The following ENTPD7 variants were observed in gnomAD, a reference collection of about 807,000 sequenced individuals.
ENTPD7 encodes the protein NTPDase 7.
ENTPD7 carries 53 observed loss-of-function variants against 77.9 expected under a neutral mutation model. The observed-to-expected ratio is 0.68, with a 90% CI of 0.55 to 0.85. ENTPD7 has a LOEUF of 0.85. Among genes scored for constraint, ENTPD7 ranks in the 40% least tolerant of loss-of-function variants. ENTPD7 has a pLI of 0.00. For synonymous variants in ENTPD7, 248 were observed against 274.9 expected (o/e 0.90, Z 0.97); for missense variants, 636 against 743.7 (o/e 0.86, Z 1.68).
At chr10:99,660,742 A>G (rs1422206763) in intron 2 of ENTPD7, among the ~76,000 whole-genome samples, 1 of 152,062 alleles carries the variant, frequency 6.6e-6, no homozygotes, top group East Asian at 1.9e-4. Flanking sequence ...CTGGCCAAGT[A>G]GAAACCCGGT....
rs745782151 is a variant in ENTPD7 at position 99,700,864 on chromosome 10, C to G, written c.1336-109C>G. On this transcript the variant is annotated intron_variant, in intron 10 of 12. Coordinates refer to ENST00000370489, the MANE Select transcript of ENTPD7 (RefSeq NM_020354.5). ...ACACACCATTTCTGTTTTCCTTTGT[C>G]AGCTGGTAGCCCACAAGTAACTTTA... is the stretch of plus-strand genomic sequence containing the variant. The G allele has an allele frequency of 3.5e-6, 3 of 853,178 alleles. No homozygotes were observed. In the African/African-American group the frequency reaches 5.1e-5, roughly 14 times the overall value. 52.9% of individuals were successfully genotyped at this position (853,178 alleles called of 1,614,324 possible).
intron 11 of ENTPD7, among the ~76,000 whole-genome samples, chr10:99,701,387 C>T (rs958219987): frequency 6.6e-6 from 1 of 151,466 alleles, no homozygotes; most frequent in African/African-American, 2.4e-5. Flanking sequence ...TCCTGGGTTC[C>T]AGCGATTCTC....
intron 10 of ENTPD7, among the ~76,000 whole-genome samples, chr10:99,700,408 GTGTGTA>G (rs1209290615): frequency 0.14 from 1,034 of 7,618 alleles, 25 homozygotes; most frequent in African/African-American, 0.26. Flanking sequence ...GTGTGTGTGT[GTGTGTA>G]TGTGTGTGTG....
intron 3 of ENTPD7, among the ~76,000 whole-genome samples, chr10:99,664,224 A>G (rs1264095024): frequency 6.6e-6 from 1 of 152,096 alleles, no homozygotes; most frequent in African/African-American, 2.4e-5. Flanking sequence ...AAATAATGGC[A>G]TGTTATGTTC....
At chr10:99,677,320 T>C (rs1002484864) in intron 3 of ENTPD7, among the ~76,000 whole-genome samples, 1 of 151,308 alleles carries the variant, frequency 6.6e-6, no homozygotes, top group Non-Finnish European at 1.5e-5. Flanking sequence ...GATCTAGGAG[T>C]TGGCTTTAAA....
chr10:99,662,695 C>T (rs868393117), intron 3 of ENTPD7, among the ~76,000 whole-genome samples: 2 of 151,952 alleles, frequency 1.3e-5, no homozygotes, highest in East Asian at 1.9e-4. Context: ...GCAAATTGTT[C>T]GTTGGTATTC....
chr10:99,701,086 T>A (rs768144838), intron 11 of ENTPD7, 28 bp downstream of exon 11: 6 of 1,572,290 alleles, frequency 3.8e-6, no homozygotes, highest in Non-Finnish European at 5.3e-6. Context: ...CCTCCTTAGA[T>A]GTGGACTTAA....
chr10:99,694,417 G>A (rs182787637), intron 8 of ENTPD7, among the ~76,000 whole-genome samples: 5 of 151,964 alleles, frequency 3.3e-5, no homozygotes, highest in African/African-American at 1.2e-4. Flanking sequence ...CAACCATGCT[G>A]TATTTTGTTT....
chr10:99,677,052 G>T (rs17112093), intron 3 of ENTPD7, among the ~76,000 whole-genome samples: 1 of 152,080 alleles, frequency 6.6e-6, no homozygotes, highest in Non-Finnish European at 1.5e-5. Context: ...GAATAGTGTG[G>T]TTTTGTCTAA....
At chr10:99,697,266 A>G (rs1403370115) in intron 9 of ENTPD7, 1 of 152,498 alleles carries the variant, frequency 6.6e-6, no homozygotes, top group African/African-American at 2.4e-5. Flanking sequence ...TCCTAAATCT[A>G]TACAAACATT....
chr10:99,688,748 A>G lies in ENTPD7; in HGVS notation c.707A>G (p.Asp236Gly). 6.2e-7 allele frequency: 1 copy of G among 1,613,888 alleles called. No homozygotes were observed. The highest frequency in any genetic ancestry group is 8.5e-7 in the Non-Finnish European group (1 of 1,179,832). Residue 236 changes from aspartate (D) to glycine (G), a missense_variant and splice_region_variant, in exon 7 of 13, where the codon GAT (aspartate) becomes GGT (glycine). Physicochemically the swap from Asp to Gly is moderately conservative, Grantham distance 94. Around this residue, in one of 3 missense-constraint regions of ENTPD7, gnomAD observed 486 missense variants for 556.5 expected, o/e 0.87. Coordinates refer to ENST00000370489, the MANE Select transcript of ENTPD7 (RefSeq NM_020354.5). ...NFVLGRFDHE[D>G]ESDAEATQEL... ...GTTTTGGGAAGATTCGACCACGAGG[A>G]TGGTGAGTAATATTGTCTTTTTATG...
chr10:99,689,922 A>G (rs2035859699), intron 7 of ENTPD7, among the ~76,000 whole-genome samples: 1 of 152,244 alleles, frequency 6.6e-6, no homozygotes, highest in Non-Finnish European at 1.5e-5. Context: ...TATGGGAAAG[A>G]CAGAATAAAT....
chr10:99,683,770 A>G (rs1484239157), intron 5 of ENTPD7, among the ~76,000 whole-genome samples: 1 of 152,168 alleles, frequency 6.6e-6, no homozygotes, highest in Non-Finnish European at 1.5e-5. Flanking sequence ...ACATGTAGAT[A>G]TAAGTAGACT....
At position 99,698,664 on chromosome 10, in the gene ENTPD7, T is replaced by C. The variant is rs2036038839; in HGVS notation, c.1141T>C (p.Ser381Pro). The C allele has an allele frequency of 6.2e-7, 1 of 1,614,038 alleles. No individual in the cohort carries two copies. Among genetic ancestry groups the C allele is most frequent in the Admixed American group, 1.7e-5 (1 of 59,998 alleles). Residue 381 changes from serine to proline, a missense_variant, in exon 10 of 13, where the codon TCT becomes CCT. Physicochemically the swap from Ser to Pro is moderately conservative, Grantham distance 74 (BLOSUM62 -1). Around this residue, in one of 3 missense-constraint regions of ENTPD7, gnomAD observed 486 missense variants for 556.5 expected, o/e 0.87. Transcript: ENST00000370489. Reference sequence around the variant, plus strand: ...TGTCCGAGGAAGAGGAGACTGGGTGTCTTGTGGGGCAATGCTGAGCCCCCT... The same window carrying C: ...TGTCCGAGGAAGAGGAGACTGGGTGCCTTGTGGGGCAATGCTGAGCCCCCT... ...LHVRGRGDWV[S>P]CGAMLSPLLA...
Position 99,708,790 on chromosome 10 carries a change from A to G in ENTPD7, c.*4107A>G, listed in dbSNP as rs1365546585. 1.0e-6 allele frequency: 1 copy of G among 983,032 alleles called. No individual in the cohort carries two copies. Among genetic ancestry groups the G allele is most frequent in the Non-Finnish European group, 1.2e-6 (1 of 827,850 alleles). 60.9% of individuals were successfully genotyped at this position (983,032 alleles called of 1,614,324 possible). A position where few individuals can be genotyped will look rare whatever the true frequency, so the allele number is the denominator to read the frequency against. ...TAAAACTGAGGCCTAGAGCAGTTGT[A>G]ATATGTGCAAAGTCATAGTGACTGG... On this transcript the variant is annotated 3_prime_UTR_variant, in exon 13 of 13. Coordinates refer to ENST00000370489, the MANE Select transcript of ENTPD7 (RefSeq NM_020354.5).
chr10:99,691,634 G>A, intron 8 of ENTPD7, 116 bp downstream of exon 8: 1 of 1,162,918 alleles, frequency 8.6e-7, no homozygotes, highest in Non-Finnish European at 1.2e-6. Flanking sequence ...TCAGATACTT[G>A]CTAGCTTGCG....
intron 8 of ENTPD7, among the ~76,000 whole-genome samples, chr10:99,694,756 C>T (rs969594411): frequency 2.0e-5 from 3 of 151,976 alleles, no homozygotes; most frequent in Non-Finnish European, 4.4e-5. Context: ...AGGCTGGTCT[C>T]GAACTCCTGG....
chr10:99,660,349 G>A (rs2035463272), intron 2 of ENTPD7: 3 of 1,167,986 alleles, frequency 2.6e-6, no homozygotes, highest in Non-Finnish European at 3.2e-6. Context: ...AATATACAAA[G>A]TGAACTTCAC....
chr10:99,704,744 A>G lies in ENTPD7; in HGVS notation c.*61A>G. ...GAGTTGCTGCTCATTGAATTCCTCC[A>G]CTTTCTTATATAGCCTCAGATGCTG... On this transcript the variant is annotated 3_prime_UTR_variant, in exon 13 of 13. Coordinates refer to ENST00000370489, the MANE Select transcript of ENTPD7 (RefSeq NM_020354.5). The G allele has an allele frequency of 1.4e-6, 2 of 1,436,268 alleles. No homozygotes were observed. The highest frequency in any genetic ancestry group is 2.4e-5 in the South Asian group (2 of 82,346). 89.0% of individuals were successfully genotyped at this position (1,436,268 alleles called of 1,614,324 possible).
Sources: gnomAD v4.1 joint callset for allele counts (sites outside exome capture counted in the v4.1 genomes callset) on GRCh38, gnomAD v4.1.1 for gene constraint, gnomAD v4.1.1 regional missense constraint, MANE v1.5 for transcripts, NCBI Gene and HGNC (gene_info 2026-07-23, HGNC 2026-07-21) for gene names.